The following MAD1L1 variants were observed in gnomAD, a reference collection of about 807,000 sequenced individuals.
MAD1L1 encodes mitotic arrest deficient 1 like 1.
Under a neutral mutation model 96.9 loss-of-function variants are expected in MAD1L1, and 95 were observed. The ratio of observed to expected loss-of-function variants is 0.98; its 90% CI spans 0.83 to 1.16. The LOEUF (loss-of-function observed/expected upper bound fraction) is 1.16. Ranked by LOEUF, MAD1L1 falls within the 50% of genes most tolerant of loss-of-function variation. The pLI is 0.00. For synonymous variants in MAD1L1, 473 were observed against 396.6 expected (o/e 1.19, Z -2.29); for missense variants, 1,007 against 954.4 (o/e 1.06, Z -0.73).
intron 16 of MAD1L1, chr7:1,940,378 T>A (rs902834525): frequency 1.3e-5 from 2 of 152,148 alleles, no homozygotes; most frequent in African/African-American, 4.8e-5. Flanking sequence ...ACTCTTGGGG[T>A]TGAAAGGATT....
chr7:1,912,224 G>A (rs543334610), intron 17 of MAD1L1, among the ~76,000 whole-genome samples: 6 of 152,248 alleles, frequency 3.9e-5, no homozygotes, highest in Admixed American at 2.6e-4. Context: ...AGTGGAAACC[G>A]CAAGGCCAGC....
At chr7:2,168,484 C>T (rs1203561140) in intron 10 of MAD1L1, among the ~76,000 whole-genome samples, 1 of 152,254 alleles carries the variant, frequency 6.6e-6, no homozygotes, top group Non-Finnish European at 1.5e-5. Flanking sequence ...AACAGCCATG[C>T]ACCTGCAGGC....
chr7:1,932,541 A>G (rs1436119051), intron 17 of MAD1L1, among the ~76,000 whole-genome samples: 1 of 152,240 alleles, frequency 6.6e-6, no homozygotes, highest in Non-Finnish European at 1.5e-5. Context: ...ACTCTGCTAG[A>G]AACTCGGAGG....
rs182527830 is a variant in MAD1L1 at position 2,110,542 on chromosome 7, C to A, written c.1073+38610G>T. On this transcript the variant is annotated intron_variant, in intron 11 of 18. Transcript: ENST00000265854. ...CAACAGTGATTCGCTCTGACTCACACTGGCAGTGGAGAAAACTCTGGAGTG... is the reference window on the plus strand; with the variant it reads ...CAACAGTGATTCGCTCTGACTCACAATGGCAGTGGAGAAAACTCTGGAGTG... 2.5e-4 allele frequency among the ~76,000 whole-genome samples: 38 copies of A among 152,326 alleles called. 1 individual carries two copies. In the East Asian group the frequency reaches 4.2e-3, roughly 17 times the overall value.
In MAD1L1 at chr7:1,999,227, C is replaced by A. The variant is rs117930442; in HGVS notation, c.1416+2838G>T. Among the ~76,000 whole-genome samples, 3 of 152,304 alleles carry A rather than the reference C, an allele frequency of 2.0e-5. No homozygotes were observed. The East Asian group carries it at 5.8e-4, about 29-fold the overall frequency. On this transcript the variant is annotated intron_variant, in intron 14 of 18. Transcript: ENST00000265854. ...AGCAATGAAAGGTCACAGCAGAACA[C>A]AGAGAGGAAAATAAACAAAACAACA...
chr7:2,219,845 G>C (rs1014535510), intron 5 of MAD1L1, among the ~76,000 whole-genome samples: 1 of 152,174 alleles, frequency 6.6e-6, no homozygotes, highest in Non-Finnish European at 1.5e-5. Flanking sequence ...AGCTGACAGA[G>C]GAGACCGGGC....
chr7:2,171,583 G>A lies in MAD1L1; in HGVS notation c.987-22345C>T, dbSNP rs375198440. On this transcript the variant is annotated intron_variant, in intron 10 of 18. Transcript: ENST00000265854. ...ACAGCAGAGAAGCCCAGCAGCTGGA[G>A]GGTGGAGATGGGCCACGTATGGGTC... Among the ~76,000 whole-genome samples the A allele has an allele frequency of 5.3e-5, 8 of 152,006 alleles. No individual in the cohort carries two copies. In the East Asian group the frequency reaches 9.7e-4, roughly 18 times the overall value.
chr7:2,218,226 C>T (rs1345311058), intron 6 of MAD1L1, among the ~76,000 whole-genome samples, 183 bp from the exon 7 acceptor site: 2 of 152,126 alleles, frequency 1.3e-5, no homozygotes, highest in Admixed American at 1.3e-4. Context: ...ATGGGTACCC[C>T]AAGGTCCCAG....
At position 1,828,452 on chromosome 7, in the gene MAD1L1, T is replaced by C. The variant is rs996864246; in HGVS notation, c.1999-12224A>G. ...GCATTAGAGAGAAAAACCCAGAAAA[T>C]GGCACCCGAAGCTCACACTGGGCTG... On this transcript the variant is annotated intron_variant, in intron 18 of 18. Transcript: ENST00000265854. 4.0e-5 allele frequency among the ~76,000 whole-genome samples: 6 copies of C among 151,842 alleles called. No individual in the cohort carries two copies. In the East Asian group the frequency reaches 5.8e-4, roughly 15 times the overall value.
At chr7:2,002,693 AG>A (rs1562597777) in intron 13 of MAD1L1, among the ~76,000 whole-genome samples, 1 of 152,180 alleles carries the variant, frequency 6.6e-6, no homozygotes, top group African/African-American at 2.4e-5. Context: ...CACTAAGGGT[AG>A]AAAAGCCAGC....
chr7:1,956,570 A>G (rs944881053), intron 16 of MAD1L1, among the ~76,000 whole-genome samples: 1 of 152,210 alleles, frequency 6.6e-6, no homozygotes, highest in Non-Finnish European at 1.5e-5. Flanking sequence ...GCTTCAGGAC[A>G]TGCCTAGGGG....
At chr7:2,022,993 G>A (rs1782851361) in intron 12 of MAD1L1, among the ~76,000 whole-genome samples, 1 of 152,202 alleles carries the variant, frequency 6.6e-6, no homozygotes, top group African/African-American at 2.4e-5. Context: ...AGACATGACC[G>A]CCCTTAACAT....
intron 11 of MAD1L1, among the ~76,000 whole-genome samples, chr7:2,126,080 C>T (rs1788217274): frequency 1.3e-5 from 2 of 152,192 alleles, no homozygotes; most frequent in Admixed American, 1.3e-4. Flanking sequence ...CGGGGACAGA[C>T]CCAGGCTTCG....
intron 11 of MAD1L1, among the ~76,000 whole-genome samples, chr7:2,115,662 G>C (rs1037821810): frequency 6.6e-6 from 1 of 152,254 alleles, no homozygotes; most frequent in African/African-American, 2.4e-5. Context: ...TGTCAATGCC[G>C]GGCCTGTGGA....
intron 17 of MAD1L1, among the ~76,000 whole-genome samples, chr7:1,934,656 A>G (rs1350597460): frequency 6.7e-6 from 1 of 150,034 alleles, no homozygotes; most frequent in Admixed American, 6.6e-5. Context: ...AGACACCCAG[A>G]CAACAGGGGA....
intron 10 of MAD1L1, among the ~76,000 whole-genome samples, chr7:2,195,908 T>C (rs980407616): frequency 6.6e-6 from 1 of 152,278 alleles, no homozygotes; most frequent in African/African-American, 2.4e-5. Flanking sequence ...GCTGATGGGC[T>C]TCATGCCCGC....
At position 2,114,049 on chromosome 7, in the gene MAD1L1, C is replaced by T. The variant is rs549084548; in HGVS notation, c.1073+35103G>A. Among the ~76,000 whole-genome samples the T allele has an allele frequency of 9.2e-5, 14 of 152,256 alleles. No individual in the cohort carries two copies. Among genetic ancestry groups the T allele is most frequent in the African/African-American group, 2.6e-4 (11 of 41,548 alleles). ...GCAAGACCTGAACGCAGTCAGGACC[C>T]GCGCCTGCTGCACCCAGGCCTTACA... On this transcript the variant is annotated intron_variant, in intron 11 of 18. Coordinates refer to ENST00000265854, the MANE Select transcript of MAD1L1 (RefSeq NM_001013836.2). This position sits in a 1 kb window ranked among gnomAD's most constrained non-coding sequence, Gnocchi z 4.2.
intron 15 of MAD1L1, among the ~76,000 whole-genome samples, chr7:1,977,341 C>T (rs917652392): frequency 7.2e-5 from 11 of 152,390 alleles, no homozygotes; most frequent in East Asian, 5.8e-4. Flanking sequence ...GTGCACCCTC[C>T]GCAGCTGCTG....
chr7:1,935,546 G>A (rs891582925), intron 17 of MAD1L1, among the ~76,000 whole-genome samples: 1 of 152,174 alleles, frequency 6.6e-6, no homozygotes, highest in African/African-American at 2.4e-5. Context: ...AAGAGGGAGG[G>A]AAGACCCCAC....
Sources: gnomAD v4.1 joint callset for allele counts (sites outside exome capture counted in the v4.1 genomes callset) on GRCh38, gnomAD v4.1.1 for gene constraint, Gnocchi (gnomAD v3.1) non-coding constraint, MANE v1.5 for transcripts, NCBI Gene and HGNC (gene_info 2026-07-23, HGNC 2026-07-21) for gene names.